ALPL: variants seen among roughly 807,000 people sequenced by gnomAD.
The protein encoded by ALPL is alkaline phosphatase, tissue-nonspecific isozyme.
ALPL carries 42 observed loss-of-function variants against 51.3 expected under a neutral mutation model. The ratio of observed to expected loss-of-function variants is 0.82; its 90% CI spans 0.64 to 1.06. The LOEUF (loss-of-function observed/expected upper bound fraction) is 1.06, where lower values mean the gene tolerates loss of function less well. Ranked by LOEUF, ALPL falls within the 50% of genes least tolerant of loss-of-function variation. The pLI, the probability that ALPL is intolerant of heterozygous loss-of-function variation, is 0.00. For missense variants in ALPL, 589 were observed against 709.4 expected, an observed-to-expected ratio of 0.83 and a Z score of 1.93; for synonymous variants, 279 against 296.4, an observed-to-expected ratio of 0.94 and a Z score of 0.60.
chr1:21,525,089 C>T (rs1329023668), intron 1 of ALPL, among the ~76,000 whole-genome samples: 1 of 152,242 alleles, frequency 6.6e-6, no homozygotes. Flanking sequence ...TGTGTGAGAA[C>T]TTTGTTCTGA....
chr1:21,542,814 G>T (rs1644205626), intron 1 of ALPL, among the ~76,000 whole-genome samples: 1 of 152,068 alleles, frequency 6.6e-6, no homozygotes, highest in African/African-American at 2.4e-5. Flanking sequence ...CTCCAGCTTG[G>T]GTGACAGAGC....
At chr1:21,510,186 G>A (rs903063652) in intron 1 of ALPL, among the ~76,000 whole-genome samples, 3 of 152,222 alleles carry the variant, frequency 2.0e-5, no homozygotes, top group Non-Finnish European at 4.4e-5. Flanking sequence ...GCTTTGCGAG[G>A]TGGGCCTCCC....
rs776187726 is a variant in ALPL, at chr1:21,561,217, G to A, written c.297+5G>A. 2 of 1,600,604 alleles carry A rather than the reference G, an allele frequency of 1.2e-6. No homozygotes were observed. Among genetic ancestry groups the A allele is most frequent in the South Asian group, 2.3e-5 (2 of 88,846 alleles). Reference sequence around the variant, plus strand: ...CCCTTCGTGGCCCTCTCCAAGGTGAGCCCCATCCCCAAGCCCAGTTCAGGT... The same window carrying A: ...CCCTTCGTGGCCCTCTCCAAGGTGAACCCCATCCCCAAGCCCAGTTCAGGT... On this transcript the variant is annotated splice_donor_5th_base_variant and intron_variant, in intron 4 of 11. Coordinates refer to ENST00000374840, the MANE Select transcript of ALPL (RefSeq NM_000478.6).
intron 5 of ALPL, 59 bp downstream of exon 5, chr1:21,563,343 C>G: frequency 6.5e-7 from 1 of 1,545,922 alleles, no homozygotes; most frequent in Non-Finnish European, 8.7e-7. Flanking sequence ...AGGCCTCAGT[C>G]TTTCTGACTG....
chr1:21,561,253 A>C (rs1189443878), intron 4 of ALPL, 41 bp downstream of exon 4: 2 of 1,521,316 alleles, frequency 1.3e-6, no homozygotes, highest in Middle Eastern at 1.7e-4. Flanking sequence ...CTGTATATCC[A>C]GTATCCAGGT....
chr1:21,522,842 T>A (rs978443561), intron 1 of ALPL, among the ~76,000 whole-genome samples: 11 of 152,152 alleles, frequency 7.2e-5, no homozygotes, highest in Admixed American at 3.9e-4. Context: ...CGGTCATAAA[T>A]CATTGTAACA....
chr1:21,543,379 A>G (rs1258598910), intron 1 of ALPL, among the ~76,000 whole-genome samples: 3 of 152,092 alleles, frequency 2.0e-5, no homozygotes, highest in Non-Finnish European at 4.4e-5. Context: ...GGTAGGGACG[A>G]TTAGCCCCTC....
Position 21,576,635 on chromosome 1 carries a change from G to T in ALPL, c.1303G>T (p.Asp435Tyr). The change falls in exon 11 of 12, where the codon GAC (aspartate) becomes TAC (tyrosine). Residue 435 changes from aspartate (D) to tyrosine (Y), a missense_variant. Coordinates refer to ENST00000374840, the MANE Select transcript of ALPL (RefSeq NM_000478.6). The stretch of plus-strand genomic sequence containing the variant: ...TGAACGAGAGAATGTCTCCATGGTG[G>T]ACTATGGTGAGACCTCCAGGACCCA... ...GGERENVSMV[D>Y]YAHNNYQAQS... is the part of the protein sequence containing the mutation. The T allele has an allele frequency of 6.2e-7, 1 of 1,613,792 alleles. No homozygotes were observed. Among genetic ancestry groups the T allele is most frequent in the South Asian group, 1.1e-5 (1 of 91,060 alleles).
intron 1 of ALPL, among the ~76,000 whole-genome samples, chr1:21,532,725 G>A (rs561613105): frequency 1.3e-5 from 2 of 152,270 alleles, no homozygotes; most frequent in African/African-American, 4.8e-5. Flanking sequence ...ACCTTGGCAT[G>A]GGCTGTTCCA....
At chr1:21,531,114 C>T (rs981630747) in intron 1 of ALPL, among the ~76,000 whole-genome samples, 13 of 152,032 alleles carry the variant, frequency 8.6e-5, no homozygotes, top group African/African-American at 2.2e-4. Context: ...CCACCACACC[C>T]GGCTAATTTT....
rs142776191 is a variant in ALPL, at chr1:21,564,690, G to A, written c.648+474G>A. 3.5e-3 allele frequency among the ~76,000 whole-genome samples: 526 copies of A among 152,324 alleles called. 5 individuals carry two copies. Among genetic ancestry groups the A allele is most frequent in the African/African-American group, 0.012 (499 of 41,556 alleles). ...TTCCGAGTTCCAGACCTTGCCCTGC[G>A]TGTTGCTAGCTGTGTGACCTTGGGT... On this transcript the variant is annotated intron_variant, in intron 6 of 11. Transcript: ENST00000374840. The surrounding 1 kb of genome is among the most constrained non-coding windows in gnomAD (Gnocchi z 5.8).
At position 21,576,038 on chromosome 1, in the gene ALPL, A is replaced by G. The variant is rs1167555180; in HGVS notation, c.1189+114A>G. On this transcript the variant is annotated intron_variant, in intron 10 of 11. Coordinates refer to ENST00000374840, the MANE Select transcript of ALPL (RefSeq NM_000478.6). ...AGAGCATGGTGGGGACTCAATGACA[A>G]CTGGGTGGGGAGGAAGAGTTACTGG... 4.7e-6 allele frequency: 6 copies of G among 1,278,666 alleles called. No individual in the cohort carries two copies. The South Asian group carries it at 6.0e-5, about 13-fold the overall frequency. 79.2% of individuals were successfully genotyped at this position (1,278,666 alleles called of 1,614,324 possible). A position where few individuals can be genotyped will look rare whatever the true frequency, so the allele number is the denominator to read the frequency against.
chr1:21,520,466 C>CTTTTT (rs35922763), intron 1 of ALPL, among the ~76,000 whole-genome samples: 4 of 111,460 alleles, frequency 3.6e-5, no homozygotes, highest in East Asian at 2.6e-4. Context: ...TCTTTTTTCT[C>CTTTTT]TTTTTTTTTT....
intron 1 of ALPL, among the ~76,000 whole-genome samples, chr1:21,539,994 G>C (rs1203234304): frequency 6.6e-6 from 1 of 152,102 alleles, no homozygotes; most frequent in Non-Finnish European, 1.5e-5. Flanking sequence ...GAGCAAGGAT[G>C]GGCCGGCCAT....
At chr1:21,573,833 T>C in intron 9 of ALPL, 34 bp downstream of exon 9, 1 of 1,613,864 alleles carries the variant, frequency 6.2e-7, no homozygotes, top group Non-Finnish European at 8.5e-7. Flanking sequence ...AGGGGGCTGC[T>C]GGAAACACGG....
intron 5 of ALPL, among the ~76,000 whole-genome samples, 193 bp from the exon 6 acceptor site, chr1:21,563,848 A>G (rs1200310647): frequency 1.3e-5 from 2 of 151,806 alleles, no homozygotes; most frequent in Non-Finnish European, 2.9e-5. Flanking sequence ...TTCCAGAGGC[A>G]GTGTTCTGGC....
At position 21,542,819 on chromosome 1, in the gene ALPL, C is replaced by A. The variant is rs1644205755; in HGVS notation, c.-104-11159C>A. 2.6e-5 allele frequency among the ~76,000 whole-genome samples: 4 copies of A among 152,150 alleles called. No homozygotes were observed. In the South Asian group the frequency reaches 8.3e-4, roughly 32 times the overall value. On this transcript the variant is annotated intron_variant, in intron 1 of 11. Transcript: ENST00000374840. ...CGCTACTGCACTCCAGCTTGGGTGA[C>A]AGAGCAAGACTCCATCCCCCCAATC...
chr1:21,548,657 G>A (rs1001386377), intron 1 of ALPL, among the ~76,000 whole-genome samples: 5 of 152,138 alleles, frequency 3.3e-5, no homozygotes, highest in African/African-American at 1.2e-4. Flanking sequence ...TGGACCCTCA[G>A]TGCAGAGAGA....
At chr1:21,537,097 T>C (rs180840869) in intron 1 of ALPL, among the ~76,000 whole-genome samples, 7 of 151,936 alleles carry the variant, frequency 4.6e-5, no homozygotes, top group East Asian at 1.9e-4. Flanking sequence ...AGGGTTTCAC[T>C]GTGTTAGCCA....
Sources: allele counts gnomAD v4.1 joint callset (sites outside exome capture counted in the v4.1 genomes callset), GRCh38; gene constraint gnomAD v4.1.1; non-coding constraint Gnocchi (gnomAD v3.1); transcripts MANE v1.5; gene names NCBI Gene and HGNC (gene_info 2026-07-23, HGNC 2026-07-21).